The following PLEKHA7 variants were observed in gnomAD, a reference collection of about 807,000 sequenced individuals.
PLEKHA7 encodes pleckstrin homology domain containing A7.
A neutral mutation model predicts 170.0 loss-of-function variants in PLEKHA7; 104 were observed. The ratio of observed to expected loss-of-function variants is 0.61; its 90% CI spans 0.52 to 0.72. The LOEUF is 0.72. Ranked by LOEUF, PLEKHA7 falls within the 30% of genes least tolerant of loss-of-function variation. The pLI is 0.00. For missense variants in PLEKHA7, 1,615 were observed against 1,671.7 expected, an observed-to-expected ratio of 0.97 and a Z score of 0.59; for synonymous variants, 648 against 660.8, an observed-to-expected ratio of 0.98 and a Z score of 0.30.
At chr11:16,852,384 A>G (rs1272711936) in intron 6 of PLEKHA7, 29 bp from the exon 7 acceptor site, 1 of 1,602,948 alleles carries the variant, frequency 6.2e-7, no homozygotes, top group African/African-American at 1.3e-5. Flanking sequence ...TAGTCAGGGT[A>G]ATATCTGAGC....
At chr11:16,819,449 G>A (rs1242330279) in intron 10 of PLEKHA7, among the ~76,000 whole-genome samples, 1 of 152,212 alleles carries the variant, frequency 6.6e-6, no homozygotes, top group African/African-American at 2.4e-5. Context: ...ACAAAGTATG[G>A]AATTTTACTA....
chr11:16,970,955 GAA>G (rs1235400041), intron 3 of PLEKHA7, among the ~76,000 whole-genome samples: 3 of 152,112 alleles, frequency 2.0e-5, no homozygotes, highest in African/African-American at 7.2e-5. Context: ...TTTAAAATCA[GAA>G]AAAGTTATAT....
intron 3 of PLEKHA7, among the ~76,000 whole-genome samples, chr11:16,961,467 CAG>C (rs1432814571): frequency 6.6e-6 from 1 of 152,250 alleles, no homozygotes; most frequent in Non-Finnish European, 1.5e-5. Context: ...CCAAGAGCTC[CAG>C]AGAGTTTACA....
intron 3 of PLEKHA7, 94 bp from the exon 4 acceptor site, chr11:16,871,276 A>C (rs1377001804): frequency 1.0e-6 from 1 of 972,396 alleles, no homozygotes; most frequent in South Asian, 1.3e-5. Flanking sequence ...GACCCTGGTC[A>C]TCAAAGATTT....
At chr11:16,780,528 A>G (rs755135810) in intron 26 of PLEKHA7, among the ~76,000 whole-genome samples, 5 of 152,134 alleles carry the variant, frequency 3.3e-5, no homozygotes, top group East Asian at 1.9e-4. Flanking sequence ...ACTTTTCCCA[A>G]TCTTACAGTT....
chr11:16,911,572 T>C (rs1321355595), intron 3 of PLEKHA7, among the ~76,000 whole-genome samples: 3 of 152,116 alleles, frequency 2.0e-5, no homozygotes, highest in Non-Finnish European at 2.9e-5. Flanking sequence ...GGCAGTAGTC[T>C]TGTCCCTTAT....
intron 26 of PLEKHA7, among the ~76,000 whole-genome samples, chr11:16,782,545 C>A (rs548608860): frequency 6.6e-6 from 1 of 152,370 alleles, no homozygotes; most frequent in South Asian, 2.1e-4. Context: ...TTGGTCTCCT[C>A]CACTGTGTGG....
intron 6 of PLEKHA7, 117 bp from the exon 7 acceptor site, chr11:16,852,472 T>G: frequency 1.4e-6 from 1 of 738,774 alleles, no homozygotes; most frequent in Non-Finnish European, 2.2e-6. Context: ...TTTGTTTTAA[T>G]AAATTACCAT....
At chr11:16,795,111 C>G (rs1055816142) in intron 17 of PLEKHA7, 93 bp from the exon 18 acceptor site, 2 of 899,574 alleles carry the variant, frequency 2.2e-6, no homozygotes, top group African/African-American at 3.3e-5. Context: ...GCCCCCCGCC[C>G]TGAGGGGCAG....
chr11:16,994,868 C>T (rs1428435953), intron 3 of PLEKHA7, among the ~76,000 whole-genome samples: 3 of 152,154 alleles, frequency 2.0e-5, no homozygotes, highest in Non-Finnish European at 4.4e-5. Context: ...ATCCTCTGGT[C>T]ATTGACATGG....
At chr11:17,004,598 G>A (rs1864874402) in intron 3 of PLEKHA7, among the ~76,000 whole-genome samples, 1 of 151,754 alleles carries the variant, frequency 6.6e-6, no homozygotes, top group Non-Finnish European at 1.5e-5. Flanking sequence ...TCACCACATT[G>A]GCCAAGCTTG....
rs1336471019 is a variant in PLEKHA7 at position 16,986,758 on chromosome 11, A to G, written c.221+27231T>C. On this transcript the variant is annotated intron_variant, in intron 3 of 26. Transcript: ENST00000531066. ...TCCCCATCTATAAACCAGAGCTTCC[A>G]CCATGAGCCCCACCTCTACCAACAT... 2.0e-5 allele frequency among the ~76,000 whole-genome samples: 3 copies of G among 152,224 alleles called. No homozygotes were observed. In the East Asian group the frequency reaches 5.8e-4, roughly 29 times the overall value.
At chr11:16,914,773 CCT>C (rs1299333785) in intron 3 of PLEKHA7, among the ~76,000 whole-genome samples, 2 of 152,156 alleles carry the variant, frequency 1.3e-5, no homozygotes, top group Non-Finnish European at 2.9e-5. Flanking sequence ...AATCATTAGC[CCT>C]GTTTTACATA....
At chr11:16,873,723 A>G (rs1855053337) in intron 3 of PLEKHA7, among the ~76,000 whole-genome samples, 1 of 152,072 alleles carries the variant, frequency 6.6e-6, no homozygotes, top group Non-Finnish European at 1.5e-5. Context: ...CTGGAGTGCA[A>G]TGGCGTGATC....
intron 3 of PLEKHA7, among the ~76,000 whole-genome samples, chr11:16,875,453 T>TC (rs1274957855): frequency 6.6e-6 from 1 of 151,506 alleles, no homozygotes; most frequent in Non-Finnish European, 1.5e-5. Context: ...TTCCTTTTTT[T>TC]TTCTTTTGTT....
chr11:16,953,123 G>C (rs1441166601), intron 3 of PLEKHA7, among the ~76,000 whole-genome samples: 4 of 152,196 alleles, frequency 2.6e-5, no homozygotes, highest in Non-Finnish European at 4.4e-5. Flanking sequence ...ATGCCTTAAA[G>C]GCTAAGGATT....
At position 16,852,271 on chromosome 11, in the gene PLEKHA7, T is replaced by G. The variant is rs1853036455; in HGVS notation, c.595+12A>C. ...ACACTTCGGCAGGGTAATAGGCTACTTGTTAGCTCACCTTTATAGTAAAAT... is the reference window on the plus strand; with the variant it reads ...ACACTTCGGCAGGGTAATAGGCTACGTGTTAGCTCACCTTTATAGTAAAAT... On this transcript the variant is annotated intron_variant, in intron 7 of 26. Transcript: ENST00000531066. 5 of 1,613,390 alleles carry G rather than the reference T, an allele frequency of 3.1e-6. No individual in the cohort carries two copies. The highest frequency in any genetic ancestry group is 2.5e-6 in the Non-Finnish European group (3 of 1,179,524).
intron 4 of PLEKHA7, among the ~76,000 whole-genome samples, chr11:16,858,195 G>A (rs536585531): frequency 1.3e-4 from 20 of 152,044 alleles, no homozygotes; most frequent in African/African-American, 4.1e-4. Flanking sequence ...TTATATGCCT[G>A]GGTTTTCTGC....
At chr11:16,870,345 A>C (rs943389853) in intron 4 of PLEKHA7, among the ~76,000 whole-genome samples, 1 of 151,962 alleles carries the variant, frequency 6.6e-6, no homozygotes, top group Non-Finnish European at 1.5e-5. Context: ...GATGGGGTCT[A>C]GGGCAGGATG....
Sources: gnomAD v4.1 joint callset for allele counts (sites outside exome capture counted in the v4.1 genomes callset) on GRCh38, gnomAD v4.1.1 for gene constraint, MANE v1.5 for transcripts, NCBI Gene and HGNC (gene_info 2026-07-23, HGNC 2026-07-21) for gene names.